Variants in CUL9 observed in about 807,000 individuals in gnomAD.
The protein encoded by CUL9 is cullin-9.
Under a neutral mutation model 272.6 loss-of-function variants are expected in CUL9, and 79 were observed. The observed-to-expected ratio is 0.29, with a 90% CI of 0.24 to 0.35. The LOEUF is 0.35. Ranked by LOEUF, CUL9 falls within the 10% of genes least tolerant of loss-of-function variation. CUL9 has a pLI of 1.00. For missense variants in CUL9, 2,532 were observed against 3,255.6 expected (o/e 0.78, Z 5.41); for synonymous variants, 1,186 against 1,286.5 (o/e 0.92, Z 1.67).
chr6:43,197,411 C>T (rs1164090080), intron 11 of CUL9, among the ~76,000 whole-genome samples: 1 of 151,828 alleles, frequency 6.6e-6, no homozygotes, highest in Non-Finnish European at 1.5e-5. Flanking sequence ...TAGGTTTGGC[C>T]CAGTATTATT....
rs1776357563 is a variant in CUL9 at position 43,221,422 on chromosome 6, G to C, written c.6752+101G>C. On this transcript the variant is annotated intron_variant, in intron 34 of 40. Coordinates refer to ENST00000252050, the MANE Select transcript of CUL9 (RefSeq NM_015089.4). The surrounding 1 kb of genome is among the most constrained non-coding windows in gnomAD (Gnocchi z 4.2). ...GCTTAGTGTAAAGCTCAGCAAAAGA[G>C]GGTGGTTCCTCAGCCGCCCCTCACG... 1.4e-6 allele frequency: 2 copies of C among 1,393,042 alleles called. No homozygotes were observed. Among genetic ancestry groups the C allele is most frequent in the Non-Finnish European group, 9.6e-7 (1 of 1,045,288 alleles). 86.3% of individuals were successfully genotyped at this position (1,393,042 alleles called of 1,614,324 possible).
rs959947338 is a variant in CUL9, at chr6:43,223,740, G to A, written c.7284+343G>A. On this transcript the variant is annotated intron_variant, in intron 39 of 40. Coordinates refer to ENST00000252050, the MANE Select transcript of CUL9 (RefSeq NM_015089.4). This position sits in a 1 kb window ranked among gnomAD's most constrained non-coding sequence, Gnocchi z 4.1. ...CTAAGAGTGGGCATCAGGGGATTGG[G>A]GTCACTGGAGCAAGGGCTCTCCCAG... The A allele has an allele frequency of 6.0e-6, 3 of 497,298 alleles. No individual in the cohort carries two copies. The highest frequency in any genetic ancestry group is 2.5e-5 in the South Asian group (1 of 39,254). The allele number at this position is 497,298 out of a possible 1,614,324, so 30.8% of individuals were successfully genotyped here.
Position 43,221,182 on chromosome 6 carries a change from CAT to C in CUL9, c.6616_6617del (p.Met2206ValfsTer11), listed in dbSNP as rs1776334689. On this transcript the variant is annotated frameshift_variant, in exon 34 of 41. Coordinates refer to ENST00000252050, the MANE Select transcript of CUL9 (RefSeq NM_015089.4). LOFTEE classifies it high-confidence loss of function. The surrounding 1 kb of genome is among the most constrained non-coding windows in gnomAD (Gnocchi z 4.2). Reference sequence around the variant, plus strand: ...GGCACACTACCCTGCTAGCTGTGGCCATATGTCTCAGTGGGTCGACGACGGTG... The same window carrying C: ...GGCACACTACCCTGCTAGCTGTGGCCATGTCTCAGTGGGTCGACGACGGTG... Reference protein sequence around the residue: ...PEAHYPASCGHMSQWVDDGGY... With the variant: ...PEAHYPASCGXMSQWVDDGGY... The C allele has an allele frequency of 6.2e-7, 1 of 1,611,426 alleles. No homozygotes were observed.
Position 43,201,002 on chromosome 6 carries a change from T to TC in CUL9, c.3647+172dup, listed in dbSNP as rs1774477599. On this transcript the variant is annotated intron_variant, in intron 16 of 40. Transcript: ENST00000252050. The stretch of plus-strand genomic sequence containing the variant: ...GACCTGCCTTTGCTGAGTATAGACA[T>TC]CCCCTCACTCCCAGAGTCTGGTGAT... Among the ~76,000 whole-genome samples the TC allele has an allele frequency of 2.0e-5, 3 of 152,130 alleles. No individual in the cohort carries two copies. The South Asian group carries it at 6.2e-4, about 32-fold the overall frequency.
chr6:43,222,448 T>TG, intron 36 of CUL9, 58 bp downstream of exon 36: 1 of 659,428 alleles, frequency 1.5e-6, no homozygotes, highest in Non-Finnish European at 2.4e-6. Flanking sequence ...GGTGGTGGGG[T>TG]GGAGGGGGGT....
chr6:43,185,340 C>T, intron 2 of CUL9, 116 bp from the exon 3 acceptor site: 3 of 996,362 alleles, frequency 3.0e-6, no homozygotes, highest in Non-Finnish European at 4.4e-6. Flanking sequence ...GTATTTCTTT[C>T]TGTGAGCCTT....
chr6:43,220,976 C>A lies in CUL9; in HGVS notation c.6588+65C>A. Reference sequence around the variant, plus strand: ...CACACTCCTTCCCTGCTTAATATCCCCACCCCGCCACACACACAGACTGTG... The same window carrying A: ...CACACTCCTTCCCTGCTTAATATCCACACCCCGCCACACACACAGACTGTG... On this transcript the variant is annotated intron_variant, in intron 33 of 40. Transcript: ENST00000252050. This position sits in a 1 kb window ranked among gnomAD's most constrained non-coding sequence, Gnocchi z 4.9. 1 of 1,497,580 alleles carries A rather than the reference C, an allele frequency of 6.7e-7. No homozygotes were observed. Among genetic ancestry groups the A allele is most frequent in the South Asian group, 1.3e-5 (1 of 77,064 alleles). The allele number at this position is 1,497,580 out of a possible 1,614,324, so 92.8% of individuals were successfully genotyped here.
chr6:43,205,793 C>T (rs1774996287), intron 24 of CUL9, among the ~76,000 whole-genome samples: 1 of 148,734 alleles, frequency 6.7e-6, no homozygotes, highest in Non-Finnish European at 1.5e-5. Flanking sequence ...CACGTCATTG[C>T]ACTTCAGCCT....
intron 1 of CUL9, among the ~76,000 whole-genome samples, chr6:43,182,527 AC>A (rs1188831187): frequency 6.7e-6 from 1 of 148,238 alleles, no homozygotes; most frequent in Non-Finnish European, 1.5e-5. Flanking sequence ...TCCAGAGCTC[AC>A]CCCCACACCT....
chr6:43,200,569 C>T lies in CUL9; in HGVS notation c.3475+43C>T, dbSNP rs770305365. On this transcript the variant is annotated intron_variant, in intron 15 of 40. Coordinates refer to ENST00000252050, the MANE Select transcript of CUL9 (RefSeq NM_015089.4). This position sits in a 1 kb window ranked among gnomAD's most constrained non-coding sequence, Gnocchi z 4.0. ...CTTTCTCCTGGCTCCCATCCAGTGT[C>T]TGTTCTCCCCTTCCCTTCCTGCTCC... The T allele has an allele frequency of 1.9e-6, 3 of 1,614,044 alleles. No homozygotes were observed. In the South Asian group the frequency reaches 3.3e-5, roughly 18 times the overall value.
In CUL9 at chr6:43,200,379, A is replaced by G. The variant is rs9462875; in HGVS notation, c.3385-57A>G. 0.17 allele frequency: 281,850 copies of G among 1,613,092 alleles called. 28,364 individuals carry two copies. The highest frequency in any genetic ancestry group is 0.45 in the African/African-American group (33,697 of 74,812). On this transcript the variant is annotated intron_variant, in intron 14 of 40. Coordinates refer to ENST00000252050, the MANE Select transcript of CUL9 (RefSeq NM_015089.4). The surrounding 1 kb of genome is among the most constrained non-coding windows in gnomAD (Gnocchi z 4.0). ...TTTTTCTCTCTACCTGTTTCTGGGC[A>G]TTTCTCTGTGTTCCTCCCTCTCCTC...
chr6:43,223,600 T>C lies in CUL9; in HGVS notation c.7284+203T>C. On this transcript the variant is annotated intron_variant, in intron 39 of 40. Coordinates refer to ENST00000252050, the MANE Select transcript of CUL9 (RefSeq NM_015089.4). The surrounding 1 kb of genome is among the most constrained non-coding windows in gnomAD (Gnocchi z 4.1). ...ACCCTATCACTTCACCTCCTGGGGATTCCTACAAAATAAAGGGGTTGGCTA... is the reference window on the plus strand; with the variant it reads ...ACCCTATCACTTCACCTCCTGGGGACTCCTACAAAATAAAGGGGTTGGCTA... 1 of 649,004 alleles carries C rather than the reference T, an allele frequency of 1.5e-6. No homozygotes were observed. Among genetic ancestry groups the C allele is most frequent in the East Asian group, 2.8e-5 (1 of 36,158 alleles). 40.2% of individuals were successfully genotyped at this position (649,004 alleles called of 1,614,324 possible). A position where few individuals can be genotyped will look rare whatever the true frequency, so the allele number is the denominator to read the frequency against.
At position 43,184,953 on chromosome 6, in the gene CUL9, A is replaced by G. The variant is rs539556444; in HGVS notation, c.595+48A>G. On this transcript the variant is annotated intron_variant, in intron 2 of 40. Coordinates refer to ENST00000252050, the MANE Select transcript of CUL9 (RefSeq NM_015089.4). The surrounding 1 kb of genome is among the most constrained non-coding windows in gnomAD (Gnocchi z 4.8). ...GGAAAGGAATGGAGAAAATGGGGCC[A>G]CAGGGAATAAGAAAGAGGAGAGATT... 9 of 1,395,190 alleles carry G rather than the reference A, an allele frequency of 6.5e-6. No homozygotes were observed. In the South Asian group the frequency reaches 1.0e-4, roughly 16 times the overall value. The allele number at this position is 1,395,190 out of a possible 1,614,324, so 86.4% of individuals were successfully genotyped here. A position where few individuals can be genotyped will look rare whatever the true frequency, so the allele number is the denominator to read the frequency against.
intron 4 of CUL9, 46 bp from the exon 5 acceptor site, chr6:43,186,914 G>T (rs768656044): frequency 1.2e-6 from 2 of 1,603,252 alleles, no homozygotes; most frequent in South Asian, 2.2e-5. Flanking sequence ...GGCTCAGAGG[G>T]TTGAGCCTTC....
In CUL9 at chr6:43,202,810, G is replaced by C. The variant is rs1432932860; in HGVS notation, c.3742G>C (p.Glu1248Gln). Residue 1248 changes from glutamate to glutamine, a missense_variant, in exon 17 of 41, where the codon GAG (glutamate) becomes CAG (glutamine). Coordinates refer to ENST00000252050, the MANE Select transcript of CUL9 (RefSeq NM_015089.4). ...GGDSTSCIGT[E>Q]LNTVNVMPSA... is the part of the protein sequence containing the mutation. ...TGACAGCACCAGCTGCATCGGCACT[G>C]AGCTCAACACGGTGGGGACCCTTGT... is the stretch of plus-strand genomic sequence containing the variant. 6.2e-7 allele frequency: 1 copy of C among 1,613,986 alleles called. No homozygotes were observed. Among genetic ancestry groups the C allele is most frequent in the Non-Finnish European group, 8.5e-7 (1 of 1,180,000 alleles).
chr6:43,182,833 T>G (rs1772537890), intron 1 of CUL9, among the ~76,000 whole-genome samples: 1 of 152,234 alleles, frequency 6.6e-6, no homozygotes, highest in African/African-American at 2.4e-5. Flanking sequence ...CTATTCCCTG[T>G]TGCCCCTGCA....
rs9462873 is a variant in CUL9 at position 43,193,265 on chromosome 6, C to A, written c.2388+57C>A. The A allele has an allele frequency of 4.2e-3, 6,355 of 1,522,628 alleles. 213 individuals carry two copies. In the African/African-American group the frequency reaches 0.078, roughly 19 times the overall value. 94.3% of individuals were successfully genotyped at this position (1,522,628 alleles called of 1,614,324 possible). ...ATGGGCAAGACAGGCAGACTGGGGA[C>A]TACTGATCTTGAGGGGGTACTTTGG... On this transcript the variant is annotated intron_variant, in intron 9 of 40. Transcript: ENST00000252050.
rs762631160 is a variant in CUL9 at position 43,187,958 on chromosome 6, T to C, written c.1827T>C (p.Thr609=). ...AGGCCAGCTTCTCAGAGGAAGAGAC[T>C]GAGTCCCTCAAAGCAAAGGCCGAGG... The part of the protein sequence containing the change: ...KSEASFSEEE[T]ESLKAKAEAP... Residue 609 remains threonine (T), a synonymous_variant, in exon 7 of 41, where the codon ACT becomes ACC. Coordinates refer to ENST00000252050, the MANE Select transcript of CUL9 (RefSeq NM_015089.4). 1.9e-6 allele frequency: 3 copies of C among 1,614,060 alleles called. No homozygotes were observed. Among genetic ancestry groups the C allele is most frequent in the Non-Finnish European group, 2.5e-6 (3 of 1,180,014 alleles).
intron 9 of CUL9, among the ~76,000 whole-genome samples, chr6:43,195,003 TG>T (rs1253783395): frequency 6.6e-6 from 1 of 152,104 alleles, no homozygotes; most frequent in Non-Finnish European, 1.5e-5. Flanking sequence ...TGCTGTGAGC[TG>T]AGATTGCGCC....
Sources: gnomAD v4.1 joint callset for allele counts (sites outside exome capture counted in the v4.1 genomes callset) on GRCh38, gnomAD v4.1.1 for gene constraint, Gnocchi (gnomAD v3.1) non-coding constraint, MANE v1.5 for transcripts, NCBI Gene and HGNC (gene_info 2026-07-23, HGNC 2026-07-21) for gene names.